Variants in MRC2 observed in about 807,000 individuals in gnomAD.
The protein encoded by MRC2 is mannose receptor C-type 2.
In MRC2, 84 loss-of-function variants were observed where a neutral mutation model predicts 206.2. The ratio of observed to expected loss-of-function variants is 0.41; its 90% CI spans 0.34 to 0.49. The LOEUF (loss-of-function observed/expected upper bound fraction) is 0.49, where lower values mean the gene tolerates loss of function less well. Ranked by LOEUF, MRC2 falls within the 20% of genes least tolerant of loss-of-function variation. The pLI, the probability that MRC2 is intolerant of heterozygous loss-of-function variation, is 0.31. For synonymous variants in MRC2, 798 were observed against 800.0 expected (o/e 1.00, Z 0.04); for missense variants, 1,676 against 2,001.5 (o/e 0.84, Z 3.10).
intron 18 of MRC2, chr17:62,681,343 CAT>C (rs2147483370): frequency 1.6e-6 from 1 of 610,648 alleles, no homozygotes; most frequent in African/African-American, 1.8e-5. Context: ...TTAGAAATAA[CAT>C]ATGCGAAGTG....
chr17:62,674,831 G>A (rs976354405), intron 9 of MRC2, among the ~76,000 whole-genome samples: 1 of 152,096 alleles, frequency 6.6e-6, no homozygotes, highest in African/African-American at 2.4e-5. Flanking sequence ...GATGGGTGCG[G>A]GGAGCTTGCT....
intron 1 of MRC2, among the ~76,000 whole-genome samples, chr17:62,631,069 C>T (rs2084212036): frequency 6.6e-6 from 1 of 152,064 alleles, no homozygotes; most frequent in African/African-American, 2.4e-5. Flanking sequence ...CCCCATTTTT[C>T]GCACCAGAGA....
At position 62,669,422 on chromosome 17, in the gene MRC2, G is replaced by A. The variant is rs372530148; in HGVS notation, c.1117+1889G>A. 3.6e-4 allele frequency among the ~76,000 whole-genome samples: 55 copies of A among 152,030 alleles called. 1 individual carries two copies. The highest frequency in any genetic ancestry group is 1.3e-3 in the African/African-American group (55 of 41,490). On this transcript the variant is annotated intron_variant, in intron 6 of 29. Transcript: ENST00000303375. ...GTAGAGACGGGGTTTCACCATGTTG[G>A]CCAGGCTGGTCTTGAACTCCTGACC...
At chr17:62,635,188 T>C (rs1314407069) in intron 1 of MRC2, among the ~76,000 whole-genome samples, 1 of 137,548 alleles carries the variant, frequency 7.3e-6, no homozygotes. Flanking sequence ...TTGCTATTTT[T>C]CTCTTTTTTT....
intron 1 of MRC2, among the ~76,000 whole-genome samples, chr17:62,657,276 A>G (rs1468778527): frequency 1.3e-5 from 2 of 152,172 alleles, no homozygotes; most frequent in African/African-American, 4.8e-5. Flanking sequence ...GATCATGTCT[A>G]TATTGTTCAC....
chr17:62,657,733 A>G (rs1056485411), intron 1 of MRC2, among the ~76,000 whole-genome samples: 2 of 152,152 alleles, frequency 1.3e-5, no homozygotes, highest in Non-Finnish European at 2.9e-5. Flanking sequence ...TATGTGCTTG[A>G]TGAAGCACGG....
At chr17:62,663,958 CTTT>C (rs1200787312) in intron 1 of MRC2, among the ~76,000 whole-genome samples, 2 of 125,282 alleles carry the variant, frequency 1.6e-5, no homozygotes, top group Non-Finnish European at 1.7e-5. Context: ...GTTGGGTTTG[CTTT>C]TTTTTTTTTT....
intron 28 of MRC2, among the ~76,000 whole-genome samples, chr17:62,691,821 A>T (rs529248616): frequency 1.0e-3 from 158 of 151,176 alleles, no homozygotes; most frequent in African/African-American, 3.4e-3. Context: ...GTGCTAGTGA[A>T]GCTAGTAAAG....
At position 62,682,242 on chromosome 17, in the gene MRC2, G is replaced by A; in HGVS notation, c.2811G>A (p.Trp937Ter). Residue 937 changes from tryptophan to a stop codon, truncating the protein, a stop_gained, in exon 20 of 30, where the codon TGG becomes TGA. Transcript: ENST00000303375. LOFTEE classifies it high-confidence loss of function. ...CVYMTASRED[W>*]GDQRCLTALP... ...CCCCTCCCCTTTCCGCAGAGGACTGGGGGGACCAGAGGTGCCTGACAGCCT... is the reference window on the plus strand; with the variant it reads ...CCCCTCCCCTTTCCGCAGAGGACTGAGGGGACCAGAGGTGCCTGACAGCCT... 4 of 1,594,804 alleles carry A rather than the reference G, an allele frequency of 2.5e-6. No homozygotes were observed. Among genetic ancestry groups the A allele is most frequent in the Non-Finnish European group, 3.4e-6 (4 of 1,170,040 alleles).
chr17:62,690,255 A>G lies in MRC2; in HGVS notation c.3842A>G (p.His1281Arg), dbSNP rs1181582326. Residue 1281 changes from histidine to arginine, a missense_variant, in exon 26 of 30, where the codon CAC becomes CGC. Physicochemically the swap from His to Arg is conservative, Grantham distance 29 (BLOSUM62 0). This residue lies in a region of MRC2 where 1,354 missense variants were observed against 1,636.6 expected (regional missense o/e 0.83). Transcript: ENST00000303375. ...IPFREHCYSFHMELLLGHKEA... is the reference protein window; with the variant it reads ...IPFREHCYSFRMELLLGHKEA... Reference sequence around the variant, plus strand: ...TTCCGGGAGCACTGCTATTCTTTCCACATGGAGCTGCTGCTGGGCCACAAG... The same window carrying G: ...TTCCGGGAGCACTGCTATTCTTTCCGCATGGAGCTGCTGCTGGGCCACAAG... The G allele has an allele frequency of 7.4e-6, 12 of 1,613,144 alleles. No individual in the cohort carries two copies. Among genetic ancestry groups the G allele is most frequent in the Admixed American group, 1.7e-5 (1 of 59,984 alleles).
rs534786202 is a variant in MRC2, at chr17:62,675,393, C to T, written c.1570-397C>T. ...CTTTGCCAGGCCCTCGAGGACTGCC[C>T]ATCCCCTCTCCATCCTGGCAGCTCT... On this transcript the variant is annotated intron_variant, in intron 9 of 29. Coordinates refer to ENST00000303375, the MANE Select transcript of MRC2 (RefSeq NM_006039.5). The surrounding 1 kb of genome is among the most constrained non-coding windows in gnomAD (Gnocchi z 4.1). 2.0e-5 allele frequency among the ~76,000 whole-genome samples: 3 copies of T among 152,340 alleles called. No individual in the cohort carries two copies. Among genetic ancestry groups the T allele is most frequent in the South Asian group, 4.1e-4 (2 of 4,828 alleles).
rs1238174241 is a variant in MRC2 at position 62,688,550 on chromosome 17, C to T, written c.3111C>T (p.Gly1037=). The T allele has an allele frequency of 1.2e-6, 2 of 1,614,238 alleles. No homozygotes were observed. Among genetic ancestry groups the T allele is most frequent in the South Asian group, 2.2e-5 (2 of 91,090 alleles). The change falls in exon 22 of 30, where the codon GGC becomes GGT. Residue 1037 remains glycine (G), a synonymous_variant. Coordinates refer to ENST00000303375, the MANE Select transcript of MRC2 (RefSeq NM_006039.5). ...LPNVTFDLWI[G]LHASQRDFQW... is the part of the protein sequence containing the mutation. ...ATGTGACCTTTGACCTTTGGATTGG[C>T]CTCCATGCCTCGCAGAGGGACTTCC...
In MRC2 at chr17:62,679,870, G is replaced by T. The variant is rs1240518386; in HGVS notation, c.2266G>T (p.Gly756Cys). The change falls in exon 14 of 30, where the codon GGT becomes TGT. Residue 756 changes from glycine to cysteine, a missense_variant. Around this residue, in one of 3 missense-constraint regions of MRC2, gnomAD observed 1,354 missense variants for 1,636.6 expected, o/e 0.83. Transcript: ENST00000303375. ...IGLNRRDPRG[G>C]QSWRWSDGVG... ...CCTGAACCGTCGGGATCCCAGAGGG[G>T]GTCAGAGTTGGCGCTGGAGCGACGG... 1.2e-6 allele frequency: 2 copies of T among 1,613,702 alleles called. No individual in the cohort carries two copies. The highest frequency in any genetic ancestry group is 1.7e-6 in the Non-Finnish European group (2 of 1,180,004).
Position 62,679,917 on chromosome 17 carries a change from G to A in MRC2, c.2298+15G>A, listed in dbSNP as rs1265495656. 2.5e-6 allele frequency: 4 copies of A among 1,607,162 alleles called. No homozygotes were observed. In the African/African-American group the frequency reaches 5.3e-5, roughly 21 times the overall value. ...ACGGCGTAGGGGTGAGGGGGCCTGG[G>A]GTACTTGGGACTGCGAGGCCGGGAG... On this transcript the variant is annotated intron_variant, in intron 14 of 29. Transcript: ENST00000303375.
Position 62,692,296 on chromosome 17 carries a change from C to G in MRC2, c.4285C>G (p.Leu1429Val). The G allele has an allele frequency of 6.3e-7, 1 of 1,595,874 alleles. No homozygotes were observed. Among genetic ancestry groups the G allele is most frequent in the Non-Finnish European group, 8.5e-7 (1 of 1,171,354 alleles). ...LMAVLLLLAL[L>V]TAALILYRRR... ...GGCGGTGCTGCTGCTCCTGGCCTTGCTGACCGCAGCCCTCATCCTTTACCG... is the reference window on the plus strand; with the variant it reads ...GGCGGTGCTGCTGCTCCTGGCCTTGGTGACCGCAGCCCTCATCCTTTACCG... Residue 1429 changes from leucine to valine, a missense_variant, in exon 30 of 30, where the codon CTG becomes GTG. By Grantham distance (32) the Leu-to-Val change is conservative. Coordinates refer to ENST00000303375, the MANE Select transcript of MRC2 (RefSeq NM_006039.5). This position sits in a 1 kb window ranked among gnomAD's most constrained non-coding sequence, Gnocchi z 4.2.
In MRC2 at chr17:62,671,203, C is replaced by T. The variant is rs1163808503; in HGVS notation, c.1118-446C>T. The stretch of plus-strand genomic sequence containing the variant: ...CCTCCCACCTCAGCCTCCTGAGTAG[C>T]GGGACCACAGGCGCACATCACCATG... On this transcript the variant is annotated intron_variant, in intron 6 of 29. Transcript: ENST00000303375. This position sits in a 1 kb window ranked among gnomAD's most constrained non-coding sequence, Gnocchi z 4.5. Among the ~76,000 whole-genome samples, 5 of 152,142 alleles carry T rather than the reference C, an allele frequency of 3.3e-5. No homozygotes were observed. The highest frequency in any genetic ancestry group is 5.9e-5 in the Non-Finnish European group (4 of 68,034).
In MRC2 at chr17:62,627,856, C is replaced by T. The variant is rs1457404327; in HGVS notation, c.54C>T (p.Cys18=). 4 of 1,478,148 alleles carry T rather than the reference C, an allele frequency of 2.7e-6. No homozygotes were observed. The highest frequency in any genetic ancestry group is 2.9e-5 in the East Asian group (1 of 33,900). 91.6% of individuals were successfully genotyped at this position (1,478,148 alleles called of 1,614,324 possible). ...CCTGGCCTCGTCACCTGCTGCGCTG[C>T]GTCCTGCTCCTCGGGTGCCTGCACC... is the stretch of plus-strand genomic sequence containing the variant. ...PAPWPRHLLR[C]VLLLGCLHLG... is the part of the protein sequence containing the mutation. Residue 18 remains cysteine, a synonymous_variant, in exon 1 of 30, where the codon TGC becomes TGT. Transcript: ENST00000303375.
Position 62,633,596 on chromosome 17 carries a change from G to A in MRC2, c.118+5676G>A, listed in dbSNP as rs775667018. 4.3e-4 allele frequency among the ~76,000 whole-genome samples: 64 copies of A among 150,364 alleles called. 1 individual carries two copies. The highest frequency in any genetic ancestry group is 2.7e-4 in the Admixed American group (4 of 15,034). On this transcript the variant is annotated intron_variant, in intron 1 of 29. Transcript: ENST00000303375. ...CAATATACAAAATCCTGCTGGACAC[G>A]GTGGCCCATGCCTGTAATCCTGGCT...
Position 62,667,589 on chromosome 17 carries a change from G to A in MRC2, c.1117+56G>A. On this transcript the variant is annotated intron_variant, in intron 6 of 29. Transcript: ENST00000303375. This position sits in a 1 kb window ranked among gnomAD's most constrained non-coding sequence, Gnocchi z 4.1. ...AGGGGCTCCCAGGGCCAGGGACACA[G>A]CCACAGAGCCGTGGCAGGCCCAGCC... 6.5e-7 allele frequency: 1 copy of A among 1,538,108 alleles called. No homozygotes were observed. The highest frequency in any genetic ancestry group is 8.7e-7 in the Non-Finnish European group (1 of 1,154,456).
Sources: allele counts gnomAD v4.1 joint callset (sites outside exome capture counted in the v4.1 genomes callset), GRCh38; gene constraint gnomAD v4.1.1; regional missense constraint gnomAD v4.1.1; non-coding constraint Gnocchi (gnomAD v3.1); transcripts MANE v1.5; gene names NCBI Gene and HGNC (gene_info 2026-07-23, HGNC 2026-07-21).